TSNARE1: variants seen among roughly 807,000 people sequenced by gnomAD.
The protein encoded by TSNARE1 is t-SNARE domain containing 1, also known as t-SNARE domain-containing protein 1.
In TSNARE1, 49 loss-of-function variants were observed where a neutral mutation model predicts 62.0. The observed-to-expected ratio is 0.79, with a 90% confidence interval of 0.63 to 1.00. TSNARE1 has a LOEUF of 1.00. TSNARE1 is among the 50% of genes least tolerant of loss of function. TSNARE1 has a pLI of 0.00. For synonymous variants in TSNARE1, 328 were observed against 294.4 expected, an observed-to-expected ratio of 1.11 and a Z score of -1.17; for missense variants, 755 against 700.1, an observed-to-expected ratio of 1.08 and a Z score of -0.88.
rs375699255 is a variant in TSNARE1 at position 142,306,127 on chromosome 8, CTATT to C, written c.1132-5487_1132-5484del. On this transcript the variant is annotated intron_variant, in intron 9 of 13. Coordinates refer to ENST00000524325, the MANE Select transcript of TSNARE1 (RefSeq NM_145003.5). ...TGTTTCCTCCAAGCAGCAACAGACT[CTATT>C]TATTCACTGGTGGAGTCTCTGGAGG... Among the ~76,000 whole-genome samples the C allele has an allele frequency of 2.1e-3, 322 of 152,314 alleles. 2 individuals carry two copies. Among genetic ancestry groups the C allele is most frequent in the African/African-American group, 7.5e-3 (311 of 41,576 alleles).
chr8:142,354,877 T>C (rs1834596893), intron 1 of TSNARE1, 114 bp from the exon 2 acceptor site: 3 of 620,208 alleles, frequency 4.8e-6, no homozygotes, highest in Admixed American at 2.8e-5. Flanking sequence ...CCTGGCTCCA[T>C]TGTACCCATT....
chr8:142,314,462 A>T, intron 8 of TSNARE1, 22 bp from the exon 9 acceptor site: 1 of 1,612,198 alleles, frequency 6.2e-7, no homozygotes, highest in Non-Finnish European at 8.5e-7. Context: ...AGGACAAGAG[A>T]AGAAAGACAG....
chr8:142,270,163 G>A (rs916559778), intron 12 of TSNARE1: 1 of 985,294 alleles, frequency 1.0e-6, no homozygotes, highest in Admixed American at 6.1e-5. Context: ...TGCCTAGGCT[G>A]GGGGGCTGCA....
At chr8:142,347,117 G>A (rs114275014) in intron 2 of TSNARE1, among the ~76,000 whole-genome samples, 10 of 152,202 alleles carry the variant, frequency 6.6e-5, no homozygotes, top group Admixed American at 4.6e-4. Flanking sequence ...GGGCCCTGGT[G>A]GGGGGAAGAG....
upstream of TSNARE1, chr8:142,405,847 G>T (rs1394848239): frequency 1.3e-5 from 2 of 152,510 alleles, no homozygotes; most frequent in South Asian, 4.1e-4. Context: ...CAAAGCCCAC[G>T]GGCACTCAGT....
At chr8:142,313,671 GTC>G (rs1235903448) in intron 9 of TSNARE1, among the ~76,000 whole-genome samples, 7 of 152,072 alleles carry the variant, frequency 4.6e-5, no homozygotes, top group African/African-American at 1.7e-4. Context: ...GTGTGTCTGT[GTC>G]TCTGTGTGTT....
At position 142,331,902 on chromosome 8, in the gene TSNARE1, G is replaced by A. The variant is rs778399631; in HGVS notation, c.746-71C>T. On this transcript the variant is annotated intron_variant, in intron 4 of 13. Transcript: ENST00000524325. ...GCCTGCAGGCCCAGCTCTGCTAACCGCTCTGGGCAGCCCCCAGGGGCAGGG... is the reference window on the plus strand; with the variant it reads ...GCCTGCAGGCCCAGCTCTGCTAACCACTCTGGGCAGCCCCCAGGGGCAGGG... 7.5e-5 allele frequency: 108 copies of A among 1,433,812 alleles called. 1 individual carries two copies. The highest frequency in any genetic ancestry group is 9.6e-5 in the Non-Finnish European group (100 of 1,040,228). 88.8% of individuals were successfully genotyped at this position (1,433,812 alleles called of 1,614,324 possible).
intron 6 of TSNARE1, among the ~76,000 whole-genome samples, chr8:142,329,779 T>G (rs889346485): frequency 5.9e-5 from 9 of 152,170 alleles, no homozygotes; most frequent in African/African-American, 2.2e-4. Flanking sequence ...AAATTCCCTA[T>G]CATGAGCCTA....
At chr8:142,246,794 G>T (rs1817903782) in intron 12 of TSNARE1, among the ~76,000 whole-genome samples, 1 of 152,178 alleles carries the variant, frequency 6.6e-6, no homozygotes, top group Non-Finnish European at 1.5e-5. Flanking sequence ...TCTGCCTTCT[G>T]AGTGGCCAGA....
At position 142,336,743 on chromosome 8, in the gene TSNARE1, T is replaced by C. The variant is rs1404331128; in HGVS notation, c.746-4912A>G. Among the ~76,000 whole-genome samples, 85 of 152,282 alleles carry C rather than the reference T, an allele frequency of 5.6e-4. 1 individual carries two copies. The highest frequency in any genetic ancestry group is 3.4e-3 in the Middle Eastern group (1 of 294). ...ATTCCTGCCAAACGCACGTGGAACA[T>C]TCACTAAGACAGACTCTATTTTAGG... On this transcript the variant is annotated intron_variant, in intron 4 of 13. Coordinates refer to ENST00000524325, the MANE Select transcript of TSNARE1 (RefSeq NM_145003.5).
At chr8:142,285,208 A>C (rs1822481580) in intron 10 of TSNARE1, among the ~76,000 whole-genome samples, 1 of 139,634 alleles carries the variant, frequency 7.2e-6, no homozygotes, top group Non-Finnish European at 1.5e-5. Context: ...GGGCGAGTGG[A>C]TGGACAGATG....
At chr8:142,311,296 T>TTTTTTTTGTTTTTTTTTG in intron 9 of TSNARE1, among the ~76,000 whole-genome samples, 1 of 136,494 alleles carries the variant, frequency 7.3e-6, no homozygotes, top group Non-Finnish European at 1.6e-5. Context: ...TCTAGTTTTT[T>TTTTTTTTGTTTTTTTTTG]TTTTTTTTTT....
At chr8:142,318,979 C>T (rs6981645) in intron 6 of TSNARE1, among the ~76,000 whole-genome samples, 70,558 of 148,870 alleles carry the variant, frequency 0.47, 18,915 homozygotes, top group African/African-American at 0.74. Flanking sequence ...ACGGGGGAGA[C>T]GGGCAGACAC....
intron 1 of TSNARE1, among the ~76,000 whole-genome samples, chr8:142,383,311 G>A (rs753485552): frequency 2.0e-5 from 3 of 152,210 alleles, no homozygotes; most frequent in African/African-American, 7.2e-5. Context: ...TGGGTAAGAC[G>A]TGTGGTCAGA....
At chr8:142,227,091 A>AC (rs1816841415) in intron 13 of TSNARE1, among the ~76,000 whole-genome samples, 2 of 60,804 alleles carry the variant, frequency 3.3e-5, no homozygotes, top group Non-Finnish European at 7.3e-5. Context: ...ACAGCCAGGA[A>AC]CCCCACTGCA....
intron 12 of TSNARE1, chr8:142,273,144 C>G (rs1317410962): frequency 1.0e-6 from 1 of 985,308 alleles, no homozygotes; most frequent in African/African-American, 1.7e-5. Flanking sequence ...GCGTCCATGG[C>G]ACAGGTGGCT....
At chr8:142,223,298 C>CCACTCACTTATT (rs1816572073) in intron 13 of TSNARE1, among the ~76,000 whole-genome samples, 11 of 54,962 alleles carry the variant, frequency 2.0e-4, no homozygotes, top group African/African-American at 2.8e-4. Context: ...ACTCACTCAA[C>CCACTCACTTATT]CACTCACTCA....
At chr8:142,227,017 A>AGG (rs1563760505) in intron 13 of TSNARE1, among the ~76,000 whole-genome samples, 4 of 139,768 alleles carry the variant, frequency 2.9e-5, no homozygotes, top group African/African-American at 3.1e-5. Flanking sequence ...AGTGACAGCC[A>AGG]AGCCCCCCAC....
chr8:142,323,384 C>A (rs141991247), intron 6 of TSNARE1, among the ~76,000 whole-genome samples: 4 of 152,216 alleles, frequency 2.6e-5, no homozygotes, highest in Non-Finnish European at 5.9e-5. Flanking sequence ...AGGAACAGCT[C>A]GTGGCCACCT....
Sources: allele counts gnomAD v4.1 joint callset (sites outside exome capture counted in the v4.1 genomes callset), GRCh38; gene constraint gnomAD v4.1.1; transcripts MANE v1.5; gene names NCBI Gene and HGNC (gene_info 2026-07-23, HGNC 2026-07-21).